Variants in EML6 observed in about 807,000 individuals in gnomAD.
EML6 encodes the protein echinoderm microtubule-associated protein-like 6.
Under a neutral mutation model 240.1 loss-of-function variants are expected in EML6, and 154 were observed. The observed-to-expected ratio is 0.64, with a 90% CI of 0.56 to 0.73. The LOEUF is 0.73. Among genes scored for constraint, EML6 ranks in the 30% least tolerant of loss-of-function variants. EML6 has a pLI of 0.00. For synonymous variants in EML6, 1,148 were observed against 899.0 expected (o/e 1.28, Z -4.95); for missense variants, 2,964 against 2,474.6 (o/e 1.20, Z -4.20).
In EML6 at chr2:54,813,242, C is replaced by A. The variant is rs748255769; in HGVS notation, c.208C>A (p.His70Asn). Residue 70 changes from histidine (H) to asparagine (N), a missense_variant, in exon 3 of 42, where the codon CAC becomes AAC. His to Asn is a moderately conservative substitution (Grantham distance 68, BLOSUM62 1). Transcript: ENST00000356458. ...CCTTTTCTCTTTCAGCCTTGCCTTA[C>A]ACCCAGACAAAACTCTCGTTGCAAC... ...HNDDIISLAL[H>N]PDKTLVATGQ... 1.3e-6 allele frequency: 2 copies of A among 1,549,852 alleles called. No individual in the cohort carries two copies. The highest frequency in any genetic ancestry group is 1.2e-5 in the South Asian group (1 of 83,606).
intron 3 of EML6, among the ~76,000 whole-genome samples, chr2:54,814,361 C>G (rs1484437302): frequency 6.6e-6 from 1 of 152,184 alleles, no homozygotes; most frequent in Non-Finnish European, 1.5e-5. Flanking sequence ...ACAACATTTT[C>G]TCTTCTTCCT....
chr2:54,836,513 C>T (rs976910422), intron 7 of EML6, among the ~76,000 whole-genome samples: 1 of 152,180 alleles, frequency 6.6e-6, no homozygotes, highest in Non-Finnish European at 1.5e-5. Flanking sequence ...CATAGGCAGT[C>T]CACGCTTAGG....
chr2:54,847,346 C>A, intron 8 of EML6, 140 bp from the exon 9 acceptor site: 3 of 759,050 alleles, frequency 4.0e-6, no homozygotes, highest in South Asian at 4.4e-5. Context: ...GCTGACAGGC[C>A]ATGATAAAGG....
At chr2:54,920,686 C>A (rs1364172122) in intron 26 of EML6, among the ~76,000 whole-genome samples, 1 of 152,014 alleles carries the variant, frequency 6.6e-6, no homozygotes, top group Non-Finnish European at 1.5e-5. Flanking sequence ...AACCTTGATA[C>A]CAAAACCAGA....
chr2:54,869,625 A>T (rs760985019), intron 15 of EML6, among the ~76,000 whole-genome samples: 1 of 152,208 alleles, frequency 6.6e-6, no homozygotes, highest in Non-Finnish European at 1.5e-5. Context: ...TAAAATGGTG[A>T]AAGTTTTGTC....
chr2:54,850,270 G>C, intron 10 of EML6, 52 bp downstream of exon 10: 2 of 1,505,874 alleles, frequency 1.3e-6, no homozygotes, highest in South Asian at 2.5e-5. Context: ...TTTTGAACCA[G>C]GTGAAGGAAA....
chr2:54,807,939 A>G (rs1399403440), intron 2 of EML6, among the ~76,000 whole-genome samples: 4 of 152,220 alleles, frequency 2.6e-5, no homozygotes, highest in Admixed American at 2.6e-4. Context: ...CAGTAAGTAT[A>G]GCATACAGTT....
Position 54,967,092 on chromosome 2 carries a change from C to A in EML6, c.5586C>A (p.Ala1862=). Residue 1862 remains alanine (A), a synonymous_variant, in exon 39 of 42, where the codon GCC becomes GCA. Coordinates refer to ENST00000356458, the MANE Select transcript of EML6 (RefSeq NM_001039753.4). ...TGGTCATTGAGAAGATCACCTGGGCCTCCTGGACAAGGTGACTGACTGGAA... is the reference window on the plus strand; with the variant it reads ...TGGTCATTGAGAAGATCACCTGGGCATCCTGGACAAGGTGACTGACTGGAA... ...EAVVIEKITW[A]SWTSVLGDEV... The A allele has an allele frequency of 6.4e-7, 1 of 1,550,750 alleles. No homozygotes were observed. Among genetic ancestry groups the A allele is most frequent in the Non-Finnish European group, 8.7e-7 (1 of 1,146,258 alleles).
At chr2:54,764,829 A>G (rs1022444078) in intron 2 of EML6, among the ~76,000 whole-genome samples, 2 of 152,228 alleles carry the variant, frequency 1.3e-5, no homozygotes, top group African/African-American at 4.8e-5. Context: ...AGGAGATGCC[A>G]GATTCCTATT....
intron 2 of EML6, among the ~76,000 whole-genome samples, chr2:54,773,052 T>G (rs1668462004): frequency 6.6e-6 from 1 of 152,152 alleles, no homozygotes; most frequent in Non-Finnish European, 1.5e-5. Context: ...GGAGGATGAG[T>G]CCCAGTTGCT....
At chr2:54,791,982 T>C (rs912328456) in intron 2 of EML6, among the ~76,000 whole-genome samples, 1 of 152,208 alleles carries the variant, frequency 6.6e-6, no homozygotes, top group Non-Finnish European at 1.5e-5. Context: ...AGGCTTATTG[T>C]AGTGTTTATT....
chr2:54,965,053 A>T (rs930185950), intron 38 of EML6, among the ~76,000 whole-genome samples: 3 of 152,144 alleles, frequency 2.0e-5, no homozygotes, highest in Non-Finnish European at 4.4e-5. Flanking sequence ...GGCTACACCT[A>T]AGCCTTGTGC....
chr2:54,776,966 C>A (rs1329026807), intron 2 of EML6, among the ~76,000 whole-genome samples: 1 of 152,088 alleles, frequency 6.6e-6, no homozygotes. Flanking sequence ...TTAAAAAAAA[C>A]ACCTTTGATT....
intron 18 of EML6, among the ~76,000 whole-genome samples, chr2:54,892,081 C>G (rs1198718225): frequency 1.3e-5 from 2 of 152,202 alleles, no homozygotes; most frequent in African/African-American, 4.8e-5. Context: ...GGCACTTAGT[C>G]ACTCTTTCTC....
chr2:54,915,650 C>G (rs762196954), intron 25 of EML6, among the ~76,000 whole-genome samples: 86 of 152,228 alleles, frequency 5.6e-4, no homozygotes, highest in Middle Eastern at 3.4e-3. Flanking sequence ...GAGGGACTAA[C>G]AAATGTATAG....
chr2:54,815,124 C>T (rs142069994), intron 3 of EML6, among the ~76,000 whole-genome samples: 81 of 152,310 alleles, frequency 5.3e-4, no homozygotes, highest in Non-Finnish European at 9.4e-4. Context: ...TGTAATGCAG[C>T]AGAGGAAAAT....
At chr2:54,946,580 A>T (rs1170695651) in intron 28 of EML6, among the ~76,000 whole-genome samples, 5 of 152,198 alleles carry the variant, frequency 3.3e-5, no homozygotes, top group Non-Finnish European at 7.3e-5. Flanking sequence ...CCCACATCTG[A>T]TGTTATGAAC....
chr2:54,748,973 C>A (rs565333067), intron 2 of EML6, among the ~76,000 whole-genome samples: 1 of 152,286 alleles, frequency 6.6e-6, no homozygotes, highest in Non-Finnish European at 1.5e-5. Context: ...TAGCACACAT[C>A]CTTATGTATA....
chr2:54,787,351 T>G (rs79827336), intron 2 of EML6, among the ~76,000 whole-genome samples: 281 of 152,230 alleles, frequency 1.8e-3, no homozygotes, highest in Middle Eastern at 0.014. Flanking sequence ...ATTTCAAGTA[T>G]TTATATTTTA....
Sources: allele counts gnomAD v4.1 joint callset (sites outside exome capture counted in the v4.1 genomes callset), GRCh38; gene constraint gnomAD v4.1.1; transcripts MANE v1.5; gene names NCBI Gene and HGNC (gene_info 2026-07-23, HGNC 2026-07-21).